SLC7A8: variants seen among roughly 807,000 people sequenced by gnomAD.
The protein encoded by SLC7A8 is solute carrier family 7 member 8.
Under a neutral mutation model 51.2 loss-of-function variants are expected in SLC7A8, and 30 were observed. The ratio of observed to expected loss-of-function variants is 0.59; its 90% CI spans 0.44 to 0.80. The LOEUF is 0.80. Among genes scored for constraint, SLC7A8 ranks in the 30% least tolerant of loss-of-function variants. The pLI is 0.00. For missense variants in SLC7A8, 612 were observed against 674.4 expected (o/e 0.91, Z 1.03); for synonymous variants, 257 against 275.8 (o/e 0.93, Z 0.67).
chr14:23,160,543 C>G (rs2048915831), intron 3 of SLC7A8, among the ~76,000 whole-genome samples: 1 of 148,750 alleles, frequency 6.7e-6, no homozygotes, highest in African/African-American at 2.5e-5. Flanking sequence ...TGCACTCCAG[C>G]CTGGGTGACG....
chr14:23,173,568 A>G (rs1339741904), intron 1 of SLC7A8, among the ~76,000 whole-genome samples: 1 of 152,146 alleles, frequency 6.6e-6, no homozygotes, highest in African/African-American at 2.4e-5. Flanking sequence ...ATACTGATGC[A>G]CTCTGGTATC....
chr14:23,154,779 C>T (rs573087158), intron 3 of SLC7A8, among the ~76,000 whole-genome samples: 30 of 152,154 alleles, frequency 2.0e-4, no homozygotes, highest in Middle Eastern at 3.4e-3. Flanking sequence ...GACACGGATC[C>T]AGCTTCACAG....
chr14:23,180,539 T>C (rs906245183), intron 1 of SLC7A8, among the ~76,000 whole-genome samples: 3 of 152,228 alleles, frequency 2.0e-5, no homozygotes, highest in African/African-American at 7.2e-5. Flanking sequence ...CCAATTTCTC[T>C]GAAATCACAT....
intron 3 of SLC7A8, 143 bp from the exon 4 acceptor site, chr14:23,143,347 G>T: frequency 8.6e-7 from 1 of 1,162,350 alleles, no homozygotes; most frequent in Non-Finnish European, 1.2e-6. Flanking sequence ...CAACCCCAGG[G>T]ACCAGAGACT....
rs1221039061 is a variant in SLC7A8 at position 23,133,547 on chromosome 14, C to A, written c.1017-1990G>T. ...TTGGCATAAGATGAAATGTTATGGG[C>A]TAGGCACAGTGGCTCATGCCTGTAA... On this transcript the variant is annotated intron_variant, in intron 7 of 10. Coordinates refer to ENST00000316902, the MANE Select transcript of SLC7A8 (RefSeq NM_012244.4). Among the ~76,000 whole-genome samples the A allele has an allele frequency of 2.0e-5, 3 of 151,818 alleles. No homozygotes were observed. The East Asian group carries it at 5.8e-4, about 29-fold the overall frequency.
At chr14:23,180,822 G>A (rs757339769) in intron 1 of SLC7A8, among the ~76,000 whole-genome samples, 1 of 152,082 alleles carries the variant, frequency 6.6e-6, no homozygotes, top group Non-Finnish European at 1.5e-5. Flanking sequence ...CCTGGAGATC[G>A]AGACCATCCT....
intron 7 of SLC7A8, among the ~76,000 whole-genome samples, chr14:23,135,138 A>G (rs2140306735): frequency 6.6e-6 from 1 of 152,090 alleles, no homozygotes; most frequent in African/African-American, 2.4e-5. Flanking sequence ...CCCAGGCTGG[A>G]GTGCAGTGTC....
At chr14:23,159,110 T>C (rs2048908638) in intron 3 of SLC7A8, among the ~76,000 whole-genome samples, 1 of 152,232 alleles carries the variant, frequency 6.6e-6, no homozygotes, top group African/African-American at 2.4e-5. Flanking sequence ...TGATGTGTTT[T>C]TGCATACGAT....
chr14:23,144,341 A>AAT (rs375223021), intron 3 of SLC7A8, among the ~76,000 whole-genome samples: 3,156 of 114,166 alleles, frequency 0.028, 100 homozygotes, highest in Non-Finnish European at 0.036. Flanking sequence ...TTTAAACACA[A>AAT]TTTTTTTTTT....
chr14:23,129,884 A>G (rs2048616522), intron 8 of SLC7A8, 85 bp from the exon 9 acceptor site: 1 of 1,482,344 alleles, frequency 6.7e-7, no homozygotes, highest in Non-Finnish European at 9.2e-7. Flanking sequence ...CCCAGCCTCC[A>G]GGCAGATGAT....
intron 3 of SLC7A8, among the ~76,000 whole-genome samples, chr14:23,156,075 C>T (rs935969943): frequency 3.3e-5 from 5 of 151,682 alleles, no homozygotes; most frequent in Admixed American, 6.6e-5. Flanking sequence ...CTCGGCTCAC[C>T]GCAACCTCTG....
At chr14:23,146,936 C>G (rs1317495095) in intron 3 of SLC7A8, 1 of 152,210 alleles carries the variant, frequency 6.6e-6, no homozygotes, top group East Asian at 1.9e-4. Context: ...TGGCACTTGT[C>G]TGTTGCGGAC....
rs960967720 is a variant in SLC7A8 at position 23,130,067 on chromosome 14, T to C, written c.1114-268A>G. ...AGCCAATTAGAATGGATACTGGACA[T>C]AAGCAGCTAGACTGGCCACACTGGT... is the stretch of plus-strand genomic sequence containing the variant. On this transcript the variant is annotated intron_variant, in intron 8 of 10. Coordinates refer to ENST00000316902, the MANE Select transcript of SLC7A8 (RefSeq NM_012244.4). The C allele has an allele frequency of 1.9e-5, 8 of 410,594 alleles. No individual in the cohort carries two copies. The South Asian group carries it at 2.2e-4, about 11-fold the overall frequency. The allele number at this position is 410,594 out of a possible 1,614,324, so 25.4% of individuals were successfully genotyped here.
intron 1 of SLC7A8, among the ~76,000 whole-genome samples, chr14:23,177,634 G>T (rs1028398831): frequency 1.3e-5 from 2 of 152,172 alleles, no homozygotes; most frequent in African/African-American, 4.8e-5. Context: ...TACCTAAATG[G>T]CCAGGAACTC....
intron 1 of SLC7A8, among the ~76,000 whole-genome samples, chr14:23,176,941 C>CAAAAA (rs10633003): frequency 9.6e-5 from 7 of 72,854 alleles, no homozygotes; most frequent in African/African-American, 2.2e-4. Flanking sequence ...GACTCTGTCT[C>CAAAAA]AAAAAAAAAA....
intron 3 of SLC7A8, among the ~76,000 whole-genome samples, chr14:23,159,695 C>T (rs956707881): frequency 2.0e-5 from 3 of 152,202 alleles, no homozygotes; most frequent in Non-Finnish European, 2.9e-5. Flanking sequence ...AAACAACTCA[C>T]GAGTTTCTCT....
intron 7 of SLC7A8, among the ~76,000 whole-genome samples, chr14:23,132,099 G>C (rs914051335): frequency 1.3e-5 from 2 of 148,994 alleles, no homozygotes; most frequent in Non-Finnish European, 3.0e-5. Context: ...CCGCCTCCCA[G>C]GTTTAAGCAA....
At chr14:23,153,669 C>G (rs2048866870) in intron 3 of SLC7A8, among the ~76,000 whole-genome samples, 1 of 152,220 alleles carries the variant, frequency 6.6e-6, no homozygotes, top group African/African-American at 2.4e-5. Context: ...CCACAGGGAT[C>G]TCCACCTTGG....
intron 3 of SLC7A8, among the ~76,000 whole-genome samples, chr14:23,162,082 TA>T (rs551308825): frequency 7.9e-4 from 113 of 143,428 alleles, no homozygotes; most frequent in Admixed American, 1.7e-3. Flanking sequence ...AGAAGTGGAT[TA>T]AAAAAAAAAA....
Sources: gnomAD v4.1 joint callset for allele counts (sites outside exome capture counted in the v4.1 genomes callset) on GRCh38, gnomAD v4.1.1 for gene constraint, MANE v1.5 for transcripts, NCBI Gene and HGNC (gene_info 2026-07-23, HGNC 2026-07-21) for gene names.